Variants in PKHD1 observed in about 807,000 individuals in gnomAD.
PKHD1 encodes fibrocystin.
A neutral mutation model predicts 412.0 loss-of-function variants in PKHD1; 291 were observed. The ratio of observed to expected loss-of-function variants is 0.71; its 90% confidence interval spans 0.64 to 0.78. PKHD1 has a LOEUF of 0.78. Ranked by LOEUF, PKHD1 falls within the 30% of genes least tolerant of loss-of-function variation. PKHD1 has a pLI of 0.00. For missense variants in PKHD1, 4,825 were observed against 4,950.7 expected, an observed-to-expected ratio of 0.97 and a Z score of 0.76; for synonymous variants, 1,777 against 1,821.5, an observed-to-expected ratio of 0.98 and a Z score of 0.62.
At chr6:51,761,262 C>T (rs560696338) in intron 55 of PKHD1, among the ~76,000 whole-genome samples, 2 of 152,192 alleles carry the variant, frequency 1.3e-5, no homozygotes, top group African/African-American at 4.8e-5. Context: ...AGAAGAAAAT[C>T]TGGTCATTAG....
At chr6:52,021,282 C>T (rs886366446) in intron 33 of PKHD1, among the ~76,000 whole-genome samples, 1 of 152,098 alleles carries the variant, frequency 6.6e-6, no homozygotes, top group Non-Finnish European at 1.5e-5. Context: ...TATTATTCTT[C>T]CCCAAGAAGT....
chr6:51,888,587 G>A (rs1778582108), intron 43 of PKHD1, among the ~76,000 whole-genome samples: 1 of 151,804 alleles, frequency 6.6e-6, no homozygotes, highest in South Asian at 2.1e-4. Context: ...CACAGGTCAG[G>A]TGAAGATAAG....
At chr6:51,845,179 T>C (rs1299865833) in intron 50 of PKHD1, among the ~76,000 whole-genome samples, 1 of 152,218 alleles carries the variant, frequency 6.6e-6, no homozygotes, top group Non-Finnish European at 1.5e-5. Context: ...CAGTCAGGTA[T>C]ATGGAAAACG....
intron 63 of PKHD1, among the ~76,000 whole-genome samples, chr6:51,647,249 G>T (rs1770213866): frequency 6.6e-6 from 1 of 152,104 alleles, no homozygotes; most frequent in Non-Finnish European, 1.5e-5. Flanking sequence ...CAACGGTTTT[G>T]TGTGTGAGAG....
chr6:51,827,097 G>A (rs902051667), intron 52 of PKHD1, among the ~76,000 whole-genome samples: 2 of 152,042 alleles, frequency 1.3e-5, no homozygotes, highest in Non-Finnish European at 2.9e-5. Context: ...CTTTCATTTT[G>A]TAAAATCAGC....
intron 14 of PKHD1, among the ~76,000 whole-genome samples, chr6:52,062,045 A>G (rs868051543): frequency 5.3e-5 from 8 of 152,194 alleles, no homozygotes; most frequent in Admixed American, 1.3e-4. Flanking sequence ...AACCCGCAAG[A>G]GCTTCCCCTA....
rs1884953 is a variant in PKHD1 at position 51,933,962 on chromosome 6, T to A, written c.6121+148A>T. 0.2 allele frequency: 140,426 copies of A among 699,782 alleles called. 16,692 individuals are homozygous for A. Among genetic ancestry groups the A allele is most frequent in the Admixed American group, 0.44 (21,961 of 49,594 alleles). 43.3% of individuals were successfully genotyped at this position (699,782 alleles called of 1,614,324 possible). ...TACTCTGCCACATGAATCGTAACAG[T>A]TTTACTTGTTATTTAAGGAAATAGT... On this transcript the variant is annotated intron_variant, in intron 37 of 66. Coordinates refer to ENST00000371117, the MANE Select transcript of PKHD1 (RefSeq NM_138694.4).
At chr6:51,861,765 A>T (rs1381501507) in intron 48 of PKHD1, among the ~76,000 whole-genome samples, 1 of 152,230 alleles carries the variant, frequency 6.6e-6, no homozygotes, top group Non-Finnish European at 1.5e-5. Context: ...AAACACTTAA[A>T]TATTTCTCCT....
intron 60 of PKHD1, among the ~76,000 whole-genome samples, chr6:51,693,957 T>C (rs1778474276): frequency 1.3e-5 from 2 of 152,154 alleles, no homozygotes; most frequent in South Asian, 4.1e-4. Context: ...GGCAATCTGA[T>C]TCAAACCCCC....
chr6:51,795,600 T>C (rs1285306385), intron 52 of PKHD1, among the ~76,000 whole-genome samples: 1 of 152,224 alleles, frequency 6.6e-6, no homozygotes, highest in African/African-American at 2.4e-5. Flanking sequence ...ATCCTTGTCT[T>C]GTGACAGTTT....
At chr6:51,753,049 G>T in intron 57 of PKHD1, 152 bp downstream of exon 57, 1 of 682,944 alleles carries the variant, frequency 1.5e-6, no homozygotes, top group Non-Finnish European at 2.5e-6. Context: ...CACAGATTAG[G>T]ACTGAAAATT....
At chr6:52,068,983 G>A (rs1395032619) in intron 11 of PKHD1, among the ~76,000 whole-genome samples, 2 of 152,038 alleles carry the variant, frequency 1.3e-5, no homozygotes. Context: ...CTACCAAATC[G>A]AGTTCACAAT....
intron 60 of PKHD1, among the ~76,000 whole-genome samples, chr6:51,680,605 T>C (rs1181289472): frequency 6.6e-6 from 1 of 152,008 alleles, no homozygotes; most frequent in Admixed American, 6.6e-5. Flanking sequence ...TGTGTGACAA[T>C]TACAAGAAAG....
At chr6:51,962,131 C>T (rs1458849749) in intron 35 of PKHD1, among the ~76,000 whole-genome samples, 5 of 152,032 alleles carry the variant, frequency 3.3e-5, no homozygotes, top group African/African-American at 1.2e-4. Context: ...CGCCCAAAGA[C>T]TAGCAAGCTA....
At chr6:51,871,845 T>A (rs1776024086) in intron 46 of PKHD1, among the ~76,000 whole-genome samples, 1 of 116,590 alleles carries the variant, frequency 8.6e-6, no homozygotes, top group African/African-American at 2.8e-5. Context: ...TTGCAATCAC[T>A]CCCAACATGA....
At chr6:51,656,346 T>C (rs1771849588) in intron 61 of PKHD1, among the ~76,000 whole-genome samples, 1 of 151,772 alleles carries the variant, frequency 6.6e-6, no homozygotes, top group African/African-American at 2.4e-5. Context: ...TGTTGACGGG[T>C]GGGGAGCAAG....
intron 55 of PKHD1, among the ~76,000 whole-genome samples, chr6:51,760,558 G>A (rs1378080172): frequency 1.3e-5 from 2 of 152,024 alleles, no homozygotes; most frequent in Non-Finnish European, 2.9e-5. Flanking sequence ...AGTCAAGGAG[G>A]AGATGCAAGA....
intron 47 of PKHD1, among the ~76,000 whole-genome samples, chr6:51,869,657 T>C (rs965311574): frequency 1.3e-5 from 2 of 152,140 alleles, no homozygotes; most frequent in African/African-American, 4.8e-5. Context: ...ATAGTCAAGA[T>C]ATTAAAGAAT....
chr6:51,678,862 G>T (rs1168227027), intron 60 of PKHD1, among the ~76,000 whole-genome samples: 2 of 151,920 alleles, frequency 1.3e-5, no homozygotes, highest in African/African-American at 4.8e-5. Flanking sequence ...AATCTTGCCT[G>T]CCAGCTTTAA....
Sources: gnomAD v4.1 joint callset for allele counts (sites outside exome capture counted in the v4.1 genomes callset) on GRCh38, gnomAD v4.1.1 for gene constraint, MANE v1.5 for transcripts, NCBI Gene and HGNC (gene_info 2026-07-23, HGNC 2026-07-21) for gene names.